The following ADGRB3 variants were observed in gnomAD, a reference collection of about 807,000 sequenced individuals.
ADGRB3 encodes the protein brain-specific angiogenesis inhibitor 3.
ADGRB3 carries 37 observed loss-of-function variants against 193.4 expected under a neutral mutation model. The observed-to-expected ratio is 0.19, with a 90% confidence interval of 0.15 to 0.25. The LOEUF (loss-of-function observed/expected upper bound fraction) is 0.25, where lower values mean the gene tolerates loss of function less well. ADGRB3 is among the 10% of genes least tolerant of loss of function. ADGRB3 has a pLI of 1.00. For synonymous variants in ADGRB3, 690 were observed against 644.2 expected (o/e 1.07, Z -1.08); for missense variants, 1,637 against 1,852.9 (o/e 0.88, Z 2.14).
At chr6:69,374,762 T>A (rs1324599944) in intron 30 of ADGRB3, among the ~76,000 whole-genome samples, 1 of 152,098 alleles carries the variant, frequency 6.6e-6, no homozygotes, top group Non-Finnish European at 1.5e-5. Context: ...GAGATCCTAG[T>A]ACCTAGTAAG....
At chr6:69,240,519 A>T (rs941428383) in intron 20 of ADGRB3, among the ~76,000 whole-genome samples, 1 of 152,056 alleles carries the variant, frequency 6.6e-6, no homozygotes, top group Non-Finnish European at 1.5e-5. Context: ...TTTAAAAGGA[A>T]ATACAAAGTA....
Position 68,944,058 on chromosome 6 carries a change from A to C in ADGRB3, c.1195+64A>C, listed in dbSNP as rs527995670. 1.3e-5 allele frequency: 19 copies of C among 1,481,988 alleles called. No homozygotes were observed. The South Asian group carries it at 2.4e-4, about 19-fold the overall frequency. The allele number at this position is 1,481,988 out of a possible 1,614,324, so 91.8% of individuals were successfully genotyped here. ...GCTTTTTATATGATTCCTAGTGTAC[A>C]CAAGAAATATTAAGAGTACAACCTT... is the stretch of plus-strand genomic sequence containing the variant. On this transcript the variant is annotated intron_variant, in intron 6 of 31. Transcript: ENST00000370598.
At chr6:69,298,980 C>T (rs753425251) in intron 20 of ADGRB3, among the ~76,000 whole-genome samples, 3 of 151,902 alleles carry the variant, frequency 2.0e-5, no homozygotes, top group Admixed American at 6.6e-5. Context: ...AGTGGCTGCA[C>T]GAATTTACAC....
chr6:69,196,841 A>G (rs1254377833), intron 17 of ADGRB3, among the ~76,000 whole-genome samples: 1 of 152,118 alleles, frequency 6.6e-6, no homozygotes, highest in East Asian at 1.9e-4. Flanking sequence ...TTTATCACAA[A>G]GGGTGATTTG....
At position 69,057,123 on chromosome 6, in the gene ADGRB3, A is replaced by T. The variant is rs181869946; in HGVS notation, c.2334-5811A>T. Among the ~76,000 whole-genome samples the T allele has an allele frequency of 8.6e-5, 13 of 151,860 alleles. No homozygotes were observed. In the East Asian group the frequency reaches 2.3e-3, roughly 27 times the overall value. On this transcript the variant is annotated intron_variant, in intron 15 of 31. Transcript: ENST00000370598. ...TCAATGTATAACTCTTTCCTCCTTAAGTTTACTCATATTTTATTTATTTTG... is the reference window on the plus strand; with the variant it reads ...TCAATGTATAACTCTTTCCTCCTTATGTTTACTCATATTTTATTTATTTTG...
chr6:68,833,686 A>G (rs1441443796), intron 3 of ADGRB3, among the ~76,000 whole-genome samples: 3 of 151,878 alleles, frequency 2.0e-5, no homozygotes, highest in Non-Finnish European at 4.4e-5. Context: ...AAATTCATTA[A>G]TATTTTGCAA....
At chr6:68,777,185 C>A (rs1014216926) in intron 3 of ADGRB3, among the ~76,000 whole-genome samples, 1 of 152,088 alleles carries the variant, frequency 6.6e-6, no homozygotes, top group African/African-American at 2.4e-5. Flanking sequence ...ACTGTAATAG[C>A]ATGTAAGTGT....
At chr6:69,079,118 G>A (rs1476228090) in intron 17 of ADGRB3, among the ~76,000 whole-genome samples, 1 of 151,936 alleles carries the variant, frequency 6.6e-6, no homozygotes, top group Non-Finnish European at 1.5e-5. Context: ...TTATTTCCAA[G>A]GGTAATCTAT....
chr6:69,028,777 C>G (rs944314484), intron 13 of ADGRB3, among the ~76,000 whole-genome samples: 18 of 152,226 alleles, frequency 1.2e-4, no homozygotes, highest in Admixed American at 2.0e-4. Context: ...CAATTTCTAG[C>G]CTTAAACTTC....
intron 3 of ADGRB3, among the ~76,000 whole-genome samples, chr6:68,807,118 A>C (rs150865283): frequency 0.023 from 3,541 of 152,130 alleles, 69 homozygotes; most frequent in South Asian, 0.076. Context: ...AAAATATCTT[A>C]TTCAAGTAAA....
rs117716532 is a variant in ADGRB3 at position 69,042,695 on chromosome 6, G to A, written c.2108-5490G>A. On this transcript the variant is annotated intron_variant, in intron 13 of 31. Coordinates refer to ENST00000370598, the MANE Select transcript of ADGRB3 (RefSeq NM_001704.3). ...CTTACAGAATTTCAAAACAGTACAGGTGACCATCTAGTGATATTGAGTCAT... is the reference window on the plus strand; with the variant it reads ...CTTACAGAATTTCAAAACAGTACAGATGACCATCTAGTGATATTGAGTCAT... Among the ~76,000 whole-genome samples, 623 of 152,192 alleles carry A rather than the reference G, an allele frequency of 4.1e-3. 2 individuals carry two copies. Among genetic ancestry groups the A allele is most frequent in the Non-Finnish European group, 7.7e-3 (521 of 68,000 alleles).
At chr6:68,864,364 G>T (rs1182878471) in intron 3 of ADGRB3, among the ~76,000 whole-genome samples, 5 of 152,150 alleles carry the variant, frequency 3.3e-5, no homozygotes, top group African/African-American at 1.2e-4. Context: ...TTGAGCTGAG[G>T]TCACGGTGGC....
At chr6:69,041,929 C>A (rs945040475) in intron 13 of ADGRB3, among the ~76,000 whole-genome samples, 4 of 152,148 alleles carry the variant, frequency 2.6e-5, no homozygotes, top group African/African-American at 9.7e-5. Context: ...TATAATTTGG[C>A]CATGTTCCCA....
At chr6:68,792,914 A>G (rs1408975739) in intron 3 of ADGRB3, among the ~76,000 whole-genome samples, 1 of 152,164 alleles carries the variant, frequency 6.6e-6, no homozygotes, top group Admixed American at 6.6e-5. Context: ...CCCTGGTCAT[A>G]CACAGTTGTT....
chr6:69,210,116 A>G (rs1036645396), intron 17 of ADGRB3, among the ~76,000 whole-genome samples: 8 of 138,354 alleles, frequency 5.8e-5, no homozygotes, highest in Non-Finnish European at 1.1e-4. Flanking sequence ...AGATACACAC[A>G]CACACTCATA....
At chr6:69,037,304 G>T (rs1349090823) in intron 13 of ADGRB3, among the ~76,000 whole-genome samples, 1 of 152,126 alleles carries the variant, frequency 6.6e-6, no homozygotes, top group Non-Finnish European at 1.5e-5. Context: ...TATTGGCTTT[G>T]CTTATATGAT....
At chr6:69,304,225 G>A (rs1415920926) in intron 20 of ADGRB3, among the ~76,000 whole-genome samples, 1 of 149,080 alleles carries the variant, frequency 6.7e-6, no homozygotes, top group Admixed American at 6.6e-5. Context: ...GATATTGCAG[G>A]TTTTCCCCTA....
chr6:69,022,219 TA>T (rs1030050991), intron 13 of ADGRB3, among the ~76,000 whole-genome samples: 3 of 151,654 alleles, frequency 2.0e-5, no homozygotes, highest in African/African-American at 4.8e-5. Context: ...TGCCTCTTTT[TA>T]AAAAAAATTA....
Position 68,972,593 on chromosome 6 carries a change from A to C in ADGRB3, c.1526-2170A>C, listed in dbSNP as rs1055501233. Among the ~76,000 whole-genome samples the C allele has an allele frequency of 3.9e-5, 6 of 152,362 alleles. No homozygotes were observed. In the East Asian group the frequency reaches 1.2e-3, roughly 29 times the overall value. ...TTCCCATGTGATAAATAAGGATCATAGTCACCTCTAACTCATAGGTGCTAA... is the reference window on the plus strand; with the variant it reads ...TTCCCATGTGATAAATAAGGATCATCGTCACCTCTAACTCATAGGTGCTAA... On this transcript the variant is annotated intron_variant, in intron 8 of 31. Coordinates refer to ENST00000370598, the MANE Select transcript of ADGRB3 (RefSeq NM_001704.3).
Sources: allele counts gnomAD v4.1 joint callset (sites outside exome capture counted in the v4.1 genomes callset), GRCh38; gene constraint gnomAD v4.1.1; transcripts MANE v1.5; gene names NCBI Gene and HGNC (gene_info 2026-07-23, HGNC 2026-07-21).